The following ZNF544 variants were observed in gnomAD, a reference collection of about 807,000 sequenced individuals.
ZNF544 encodes zinc finger protein AF020591.
ZNF544 carries 10 observed loss-of-function variants against 13.5 expected under a neutral mutation model. The ratio of observed to expected loss-of-function variants is 0.74; its 90% CI spans 0.46 to 1.25. The LOEUF is 1.25. Ranked by LOEUF, ZNF544 falls within the 50% of genes most tolerant of loss-of-function variation. ZNF544 has a pLI of 0.00. For synonymous variants in ZNF544, 323 were observed against 300.5 expected, an observed-to-expected ratio of 1.07 and a Z score of -0.77; for missense variants, 896 against 845.6, an observed-to-expected ratio of 1.06 and a Z score of -0.74.
Position 58,262,340 on chromosome 19 carries a change from C to G in ZNF544, c.1734C>G (p.Cys578Trp), listed in dbSNP as rs766821754. 2.5e-6 allele frequency: 4 copies of G among 1,613,966 alleles called. No homozygotes were observed. Among genetic ancestry groups the G allele is most frequent in the Non-Finnish European group, 3.4e-6 (4 of 1,179,974 alleles). Residue 578 changes from cysteine (C) to tryptophan (W), a missense_variant, in exon 7 of 7, where the codon TGC becomes TGG. Cys to Trp is a radical substitution (Grantham distance 215). Coordinates refer to ENST00000687789, the MANE Select transcript of ZNF544 (RefSeq NM_014480.4). Reference protein sequence around the residue: ...RIHTGEKPYDCTHCGKSFSQS... With the variant: ...RIHTGEKPYDWTHCGKSFSQS... ...ATACTGGAGAGAAACCGTACGATTG[C>G]ACTCACTGTGGAAAGTCCTTCAGCC...
At chr19:58,253,522 T>A (rs979502718) in intron 6 of ZNF544, among the ~76,000 whole-genome samples, 1 of 152,246 alleles carries the variant, frequency 6.6e-6, no homozygotes, top group Admixed American at 6.5e-5. Context: ...CACTGCAACC[T>A]TCATCTCCTG....
intron 5 of ZNF544, among the ~76,000 whole-genome samples, chr19:58,269,108 T>C (rs778854308): frequency 4.6e-5 from 7 of 152,150 alleles, no homozygotes; most frequent in African/African-American, 9.7e-5. Flanking sequence ...ATAAGACCCA[T>C]GCATCGTGGA....
At chr19:58,252,548 T>C (rs1447346033) in intron 6 of ZNF544, among the ~76,000 whole-genome samples, 1 of 152,142 alleles carries the variant, frequency 6.6e-6, no homozygotes, top group Non-Finnish European at 1.5e-5. Context: ...ATAACCCTTT[T>C]TTTTAAGTCA....
intron 5 of ZNF544, among the ~76,000 whole-genome samples, chr19:58,273,527 A>G (rs2050913502): frequency 6.6e-6 from 1 of 151,562 alleles, no homozygotes; most frequent in African/African-American, 2.4e-5. Flanking sequence ...TGTCTCTACT[A>G]AAAATACAAA....
intron 6 of ZNF544, among the ~76,000 whole-genome samples, chr19:58,256,924 G>C (rs1221447955): frequency 6.6e-6 from 1 of 152,168 alleles, no homozygotes; most frequent in Non-Finnish European, 1.5e-5. Flanking sequence ...ACCAGTTAGA[G>C]TAAAAACAAG....
chr19:58,257,022 C>T (rs911903383), intron 6 of ZNF544, among the ~76,000 whole-genome samples: 3 of 152,052 alleles, frequency 2.0e-5, no homozygotes, highest in Admixed American at 6.6e-5. Context: ...CCCAGGTTCA[C>T]GCCATTCTCC....
intron 3 of ZNF544, among the ~76,000 whole-genome samples, chr19:58,235,545 C>T (rs1428490476): frequency 1.3e-5 from 2 of 152,138 alleles, no homozygotes; most frequent in Non-Finnish European, 2.9e-5. Context: ...GTGATTTATA[C>T]ATCGTGGTGG....
chr19:58,246,782 G>A lies in ZNF544; in HGVS notation c.232G>A (p.Glu78Lys), dbSNP rs2045316795. The change falls in exon 6 of 7, where the codon GAG (glutamate) becomes AAG (lysine). Residue 78 changes from glutamate (E) to lysine (K), a missense_variant. By Grantham distance (56) the Glu-to-Lys change is moderately conservative. Coordinates refer to ENST00000687789, the MANE Select transcript of ZNF544 (RefSeq NM_014480.4). Reference sequence around the variant, plus strand: ...AGAGGACCTGTGCAGGGCAGAGCAGGAGGCCCCCCGAGGTAAGAGCAGACC... The same window carrying A: ...AGAGGACCTGTGCAGGGCAGAGCAGAAGGCCCCCCGAGGTAAGAGCAGACC... ...QEEDLCRAEQ[E>K]APRDWKATLE... The A allele has an allele frequency of 6.2e-7, 1 of 1,613,950 alleles. No individual in the cohort carries two copies. The highest frequency in any genetic ancestry group is 8.5e-7 in the Non-Finnish European group (1 of 1,179,932).
At chr19:58,242,044 G>A (rs969377219) in intron 3 of ZNF544, among the ~76,000 whole-genome samples, 1 of 152,152 alleles carries the variant, frequency 6.6e-6, no homozygotes, top group Non-Finnish European at 1.5e-5. Flanking sequence ...CATGCCTAGA[G>A]GGGAGAGTAT....
chr19:58,246,357 G>T lies in ZNF544; in HGVS notation c.90G>T (p.Gln30His), dbSNP rs754533599. Residue 30 changes from glutamine to histidine, a missense_variant, in exon 5 of 7, where the codon CAG (glutamine) becomes CAT (histidine). Physicochemically the swap from Gln to His is conservative, Grantham distance 24. Coordinates refer to ENST00000687789, the MANE Select transcript of ZNF544 (RefSeq NM_014480.4). Reference protein sequence around the residue: ...AMAFTQEEWEQLDLAQRTLYR... With the variant: ...AMAFTQEEWEHLDLAQRTLYR... Reference sequence around the variant, plus strand: ...CATTCACACAGGAGGAGTGGGAACAGCTGGACCTGGCCCAGAGGACACTGT... The same window carrying T: ...CATTCACACAGGAGGAGTGGGAACATCTGGACCTGGCCCAGAGGACACTGT... 3 of 1,614,120 alleles carry T rather than the reference G, an allele frequency of 1.9e-6. No homozygotes were observed. Among genetic ancestry groups the T allele is most frequent in the Non-Finnish European group, 2.5e-6 (3 of 1,180,022 alleles).
chr19:58,257,043 T>G (rs1478916508), intron 6 of ZNF544, among the ~76,000 whole-genome samples: 2 of 152,146 alleles, frequency 1.3e-5, no homozygotes, highest in Non-Finnish European at 2.9e-5. Flanking sequence ...TGCCTGAGCC[T>G]CCTGAGTAGG....
chr19:58,273,682 T>A (rs2050947990), intron 5 of ZNF544, among the ~76,000 whole-genome samples: 1 of 146,262 alleles, frequency 6.8e-6, no homozygotes. Context: ...AGAGTGAGAC[T>A]CTGTCTCAAA....
downstream of ZNF544, among the ~76,000 whole-genome samples, chr19:58,268,843 T>C (rs36059555): frequency 5.2e-4 from 79 of 152,254 alleles, no homozygotes; most frequent in Non-Finnish European, 9.6e-4. Flanking sequence ...ACTACGTGCC[T>C]GTGAGCATGT....
At chr19:58,275,889 A>T (rs1217771396) in intron 5 of ZNF544, among the ~76,000 whole-genome samples, 1 of 151,960 alleles carries the variant, frequency 6.6e-6, no homozygotes, top group Non-Finnish European at 1.5e-5. Flanking sequence ...CTGGCTCCAA[A>T]ATGAATACAC....
At chr19:58,256,902 A>C (rs1270907230) in intron 6 of ZNF544, among the ~76,000 whole-genome samples, 1 of 152,194 alleles carries the variant, frequency 6.6e-6, no homozygotes, top group African/African-American at 2.4e-5. Flanking sequence ...AAGCAGGACA[A>C]AATTCAAAGT....
chr19:58,234,547 G>A (rs1006293036), intron 3 of ZNF544, among the ~76,000 whole-genome samples: 1 of 152,242 alleles, frequency 6.6e-6, no homozygotes, highest in Non-Finnish European at 1.5e-5. Context: ...TGGTGACACT[G>A]CTGCTTTTCC....
At chr19:58,242,527 T>C (rs942430071) in intron 3 of ZNF544, among the ~76,000 whole-genome samples, 10 of 151,878 alleles carry the variant, frequency 6.6e-5, no homozygotes, top group African/African-American at 2.4e-4. Flanking sequence ...CGCTTTTTTT[T>C]TTTTGAGACA....
At position 58,256,369 on chromosome 19, in the gene ZNF544, C is replaced by T. The variant is rs145714958; in HGVS notation, c.245-4482C>T. On this transcript the variant is annotated intron_variant, in intron 6 of 6. Coordinates refer to ENST00000687789, the MANE Select transcript of ZNF544 (RefSeq NM_014480.4). Reference sequence around the variant, plus strand: ...ACGAATTAAGAGTCCTTAATTAAGCCGGCGGCCAAAGAGACGGCTAATGCT... The same window carrying T: ...ACGAATTAAGAGTCCTTAATTAAGCTGGCGGCCAAAGAGACGGCTAATGCT... Among the ~76,000 whole-genome samples the T allele has an allele frequency of 1.8e-3, 273 of 151,908 alleles. 2 individuals carry two copies. The highest frequency in any genetic ancestry group is 6.0e-3 in the African/African-American group (250 of 41,424).
At chr19:58,269,122 C>A (rs2050288173) in intron 5 of ZNF544, among the ~76,000 whole-genome samples, 1 of 152,200 alleles carries the variant, frequency 6.6e-6, no homozygotes, top group Non-Finnish European at 1.5e-5. Flanking sequence ...TCGTGGAAAA[C>A]TGAGAACACC....
Sources: allele counts gnomAD v4.1 joint callset (sites outside exome capture counted in the v4.1 genomes callset), GRCh38; gene constraint gnomAD v4.1.1; transcripts MANE v1.5; gene names NCBI Gene and HGNC (gene_info 2026-07-23, HGNC 2026-07-21).